Variants in FYN observed in about 807,000 individuals in gnomAD.
FYN encodes FYN proto-oncogene, Src family tyrosine kinase.
In FYN, 10 loss-of-function variants were observed where a neutral mutation model predicts 70.2. The ratio of observed to expected loss-of-function variants is 0.14; its 90% CI spans 0.09 to 0.24. The LOEUF (loss-of-function observed/expected upper bound fraction) is 0.24, where lower values mean the gene tolerates loss of function less well. Among genes scored for constraint, FYN ranks in the 10% least tolerant of loss-of-function variants. The pLI is 1.00. For synonymous variants in FYN, 236 were observed against 248.6 expected (o/e 0.95, Z 0.48); for missense variants, 319 against 673.1 (o/e 0.47, Z 5.82).
intron 2 of FYN, among the ~76,000 whole-genome samples, chr6:111,786,109 T>G (rs549232435): frequency 4.6e-5 from 7 of 152,092 alleles, no homozygotes; most frequent in Non-Finnish European, 7.4e-5. Context: ...GTGCACAACG[T>G]GCAGGTTTGT....
chr6:111,803,235 C>G (rs9481191), intron 2 of FYN, among the ~76,000 whole-genome samples: 45,916 of 151,916 alleles, frequency 0.3, 11,089 homozygotes, highest in African/African-American at 0.68. Flanking sequence ...TTCCAAATCA[C>G]TCTGCCCTTC....
chr6:111,788,939 G>C (rs1033192931), intron 2 of FYN, among the ~76,000 whole-genome samples: 1 of 152,150 alleles, frequency 6.6e-6, no homozygotes, highest in Non-Finnish European at 1.5e-5. Flanking sequence ...CCTGCCTGCA[G>C]GGGCTAGAGT....
intron 1 of FYN, among the ~76,000 whole-genome samples, chr6:111,849,660 C>T (rs1385841067): frequency 6.6e-6 from 1 of 152,110 alleles, no homozygotes; most frequent in East Asian, 1.9e-4. Context: ...TAGCACTGTA[C>T]CACTGTGTTT....
intron 2 of FYN, among the ~76,000 whole-genome samples, chr6:111,809,212 G>A (rs957629150): frequency 3.3e-4 from 50 of 152,254 alleles, no homozygotes; most frequent in Non-Finnish European, 7.3e-5. Context: ...GTGCTTTCAG[G>A]TAGTCTAAAA....
rs369326017 is a variant in FYN at position 111,812,604 on chromosome 6, CTTTTTTTTTT to C, written c.-81-31979_-81-31970del. Among the ~76,000 whole-genome samples, 116 of 101,320 alleles carry C rather than the reference CTTTTTTTTTT, an allele frequency of 1.1e-3. 1 individual carries two copies. Among genetic ancestry groups the C allele is most frequent in the Non-Finnish European group, 1.5e-3 (71 of 47,124 alleles). 66.5% of individuals were successfully genotyped at this position (101,320 alleles called of 152,430 possible). A position where few individuals can be genotyped will look rare whatever the true frequency, so the allele number is the denominator to read the frequency against. On this transcript the variant is annotated intron_variant, in intron 2 of 13. Coordinates refer to ENST00000354650, the MANE Select transcript of FYN (RefSeq NM_002037.5). ...GGAGGTAATTAAATCAGAAATTTTCCTTTTTTTTTTTTTTTTTTTTTTTTTTTAAGGGAGG... is the reference window on the plus strand; with the variant it reads ...GGAGGTAATTAAATCAGAAATTTTCCTTTTTTTTTTTTTTTTTAAGGGAGG...
rs1321508433 is a variant in FYN, at chr6:111,660,656, C to CTT, written c.*1082_*1083insAA. 2 of 152,188 alleles carry CTT rather than the reference C, an allele frequency of 1.3e-5. No individual in the cohort carries two copies. 9.4% of individuals were successfully genotyped at this position (152,188 alleles called of 1,614,324 possible). On this transcript the variant is annotated 3_prime_UTR_variant, in exon 14 of 14. Coordinates refer to ENST00000354650, the MANE Select transcript of FYN (RefSeq NM_002037.5). ...CGTTAGCAGTACAGGACATTTAAAA[C>CTT]ACTTATTTTACAATGGGAAATGTAC... is the stretch of plus-strand genomic sequence containing the variant.
At chr6:111,701,254 A>G (rs1799820904) in intron 8 of FYN, among the ~76,000 whole-genome samples, 1 of 152,142 alleles carries the variant, frequency 6.6e-6, no homozygotes, top group East Asian at 1.9e-4. Context: ...GCCAAGTAAA[A>G]ATCAGTCAGG....
chr6:111,681,841 G>T (rs1235220535), intron 12 of FYN, among the ~76,000 whole-genome samples: 3 of 152,114 alleles, frequency 2.0e-5, no homozygotes, highest in Non-Finnish European at 4.4e-5. Flanking sequence ...TGAGAAAACG[G>T]AACACCGAGA....
intron 3 of FYN, among the ~76,000 whole-genome samples, chr6:111,753,125 T>C (rs1173436222): frequency 2.6e-5 from 4 of 152,188 alleles, no homozygotes; most frequent in Admixed American, 6.5e-5. Flanking sequence ...TGTCAAGGCA[T>C]GATATATGAA....
chr6:111,867,124 C>G (rs1466399201), intron 1 of FYN, among the ~76,000 whole-genome samples: 1 of 152,176 alleles, frequency 6.6e-6, no homozygotes, highest in African/African-American at 2.4e-5. Context: ...GGTGACCTCA[C>G]CCACATCCAT....
intron 9 of FYN, chr6:111,696,722 CT>C (rs1562476823): frequency 1.9e-5 from 6 of 313,758 alleles, no homozygotes; most frequent in East Asian, 7.0e-5. Flanking sequence ...ACCACTCTCT[CT>C]TTTTTTGGCT....
chr6:111,786,274 T>A (rs1322011441), intron 2 of FYN, among the ~76,000 whole-genome samples: 1 of 152,138 alleles, frequency 6.6e-6, no homozygotes, highest in African/African-American at 2.4e-5. Context: ...GTTTTTTCAT[T>A]GTTCAATTCC....
At chr6:111,724,787 C>T (rs1421064662) in intron 3 of FYN, among the ~76,000 whole-genome samples, 2 of 152,148 alleles carry the variant, frequency 1.3e-5, no homozygotes, top group Non-Finnish European at 2.9e-5. Flanking sequence ...TGACAGCCTC[C>T]AGCAGACTTT....
intron 3 of FYN, among the ~76,000 whole-genome samples, chr6:111,748,098 C>T (rs1802311318): frequency 6.6e-6 from 1 of 152,206 alleles, no homozygotes; most frequent in African/African-American, 2.4e-5. Context: ...CATATTTTAA[C>T]ATTACATTCT....
At position 111,781,520 on chromosome 6, in the gene FYN, C is replaced by T. The variant is rs1278945634; in HGVS notation, c.-81-885G>A. Among the ~76,000 whole-genome samples, 3 of 152,202 alleles carry T rather than the reference C, an allele frequency of 2.0e-5. No homozygotes were observed. The East Asian group carries it at 5.8e-4, about 29-fold the overall frequency. On this transcript the variant is annotated intron_variant, in intron 2 of 13. Coordinates refer to ENST00000354650, the MANE Select transcript of FYN (RefSeq NM_002037.5). ...ATGCACCTTCCACCACTTCCTATGA[C>T]CTGCGAATTTACCTGTCGAGTCATG...
At position 111,692,420 on chromosome 6, in the gene FYN, G is replaced by A. The variant is rs528670196; in HGVS notation, c.1273+1955C>T. Among the ~76,000 whole-genome samples, 6 of 149,746 alleles carry A rather than the reference G, an allele frequency of 4.0e-5. 1 individual carries two copies. Among genetic ancestry groups the A allele is most frequent in the South Asian group, 2.1e-4 (1 of 4,806 alleles). On this transcript the variant is annotated intron_variant, in intron 12 of 13. Transcript: ENST00000354650. Reference sequence around the variant, plus strand: ...GGCTGAGGGCAGCAGCCTGGGACCCGCTCAGGGCAGCAGCCTGATGGGAGG... The same window carrying A: ...GGCTGAGGGCAGCAGCCTGGGACCCACTCAGGGCAGCAGCCTGATGGGAGG...
At chr6:111,776,866 C>T (rs1770963213) in intron 3 of FYN, among the ~76,000 whole-genome samples, 2 of 152,186 alleles carry the variant, frequency 1.3e-5, no homozygotes, top group South Asian at 4.1e-4. Flanking sequence ...CTCAGCGACT[C>T]ACATGTAAAC....
chr6:111,815,712 C>CTTTTTTTTT (rs11320954), intron 2 of FYN, among the ~76,000 whole-genome samples: 1 of 140,486 alleles, frequency 7.1e-6, no homozygotes, highest in African/African-American at 2.7e-5. Context: ...CTGAGTACTT[C>CTTTTTTTTT]TTTTTTTTTT....
intron 8 of FYN, among the ~76,000 whole-genome samples, chr6:111,702,070 C>CA (rs1799865385): frequency 1.3e-5 from 2 of 151,886 alleles, no homozygotes; most frequent in African/African-American, 2.4e-5. Context: ...ATGGGTCACA[C>CA]AAAAAAATAT....
Sources: allele counts gnomAD v4.1 joint callset (sites outside exome capture counted in the v4.1 genomes callset), GRCh38; gene constraint gnomAD v4.1.1; transcripts MANE v1.5; gene names NCBI Gene and HGNC (gene_info 2026-07-23, HGNC 2026-07-21).